The following ARHGAP15 variants were observed in gnomAD, a reference collection of about 807,000 sequenced individuals.
The protein encoded by ARHGAP15 is Rho GTPase activating protein 15.
ARHGAP15 carries 51 observed loss-of-function variants against 63.7 expected under a neutral mutation model. The observed-to-expected ratio is 0.80, with a 90% CI of 0.64 to 1.01. The LOEUF (loss-of-function observed/expected upper bound fraction) is 1.01. Ranked by LOEUF, ARHGAP15 falls within the 50% of genes least tolerant of loss-of-function variation. The pLI is 0.00. For missense variants in ARHGAP15, 560 were observed against 564.6 expected, an observed-to-expected ratio of 0.99 and a Z score of 0.08; for synonymous variants, 191 against 193.8, an observed-to-expected ratio of 0.99 and a Z score of 0.12.
chr2:143,391,815 T>C (rs1295767939), intron 6 of ARHGAP15, among the ~76,000 whole-genome samples: 1 of 152,192 alleles, frequency 6.6e-6, no homozygotes, highest in Admixed American at 6.5e-5. Context: ...TCCTTTTTCT[T>C]TTTAAGGGAA....
chr2:143,393,714 C>A (rs935365066), intron 6 of ARHGAP15, among the ~76,000 whole-genome samples: 1 of 109,752 alleles, frequency 9.1e-6, no homozygotes, highest in African/African-American at 3.7e-5. Flanking sequence ...GGTGACAGAG[C>A]GAGACTCTGT....
intron 10 of ARHGAP15, among the ~76,000 whole-genome samples, chr2:143,553,976 T>A (rs1474483087): frequency 6.6e-6 from 1 of 152,134 alleles, no homozygotes; most frequent in Admixed American, 6.5e-5. Context: ...AAGGCCCTTA[T>A]TTGCAATTAA....
rs1303124789 is a variant in ARHGAP15, at chr2:143,475,036, C to T, written c.704-12337C>T. Among the ~76,000 whole-genome samples, 3 of 152,244 alleles carry T rather than the reference C, an allele frequency of 2.0e-5. No individual in the cohort carries two copies. The East Asian group carries it at 5.8e-4, about 29-fold the overall frequency. ...GGTGACCACCATCACCATACAGCAC[C>T]CAGAGGGATTTCAAAATGGACAACA... On this transcript the variant is annotated intron_variant, in intron 8 of 13. Coordinates refer to ENST00000295095, the MANE Select transcript of ARHGAP15 (RefSeq NM_018460.4).
chr2:143,642,356 A>G (rs981906912), intron 12 of ARHGAP15, among the ~76,000 whole-genome samples: 9 of 152,054 alleles, frequency 5.9e-5, no homozygotes, highest in Non-Finnish European at 1.2e-4. Flanking sequence ...TTTTGATCCA[A>G]CTCACCTTTG....
intron 11 of ARHGAP15, among the ~76,000 whole-genome samples, chr2:143,563,004 C>A (rs1176698650): frequency 2.6e-5 from 4 of 152,132 alleles, no homozygotes; most frequent in African/African-American, 7.2e-5. Flanking sequence ...ATGTACCAAC[C>A]AATAATGAAC....
intron 12 of ARHGAP15, among the ~76,000 whole-genome samples, chr2:143,642,303 G>A (rs545563815): frequency 1.4e-4 from 21 of 151,888 alleles, no homozygotes; most frequent in East Asian, 1.2e-3. Flanking sequence ...AATGTTGGGG[G>A]GGATTTCAGA....
At chr2:143,528,722 T>C (rs964528960) in intron 10 of ARHGAP15, among the ~76,000 whole-genome samples, 2 of 152,156 alleles carry the variant, frequency 1.3e-5, no homozygotes, top group Non-Finnish European at 2.9e-5. Context: ...TTCTGACAGT[T>C]TGGGATGACT....
At chr2:143,736,038 G>C (rs1391544874) in intron 13 of ARHGAP15, among the ~76,000 whole-genome samples, 1 of 152,136 alleles carries the variant, frequency 6.6e-6, no homozygotes, top group African/African-American at 2.4e-5. Context: ...TGATGAGACA[G>C]GCACTAAACT....
chr2:143,451,656 GA>G (rs1317338817), intron 8 of ARHGAP15, among the ~76,000 whole-genome samples: 4 of 151,416 alleles, frequency 2.6e-5, no homozygotes, highest in African/African-American at 4.8e-5. Context: ...GGTCAGCTCA[GA>G]AAAAAAATAC....
At chr2:143,164,993 A>G (rs1163849174) in intron 2 of ARHGAP15, among the ~76,000 whole-genome samples, 1 of 152,082 alleles carries the variant, frequency 6.6e-6, no homozygotes, top group Non-Finnish European at 1.5e-5. Context: ...TAGATGTCAG[A>G]AACCCTGAAA....
chr2:143,563,127 A>G (rs1559052579), intron 11 of ARHGAP15, among the ~76,000 whole-genome samples: 1 of 152,228 alleles, frequency 6.6e-6, no homozygotes. Flanking sequence ...TGGAAGCCTA[A>G]TAGAAATTAT....
intron 6 of ARHGAP15, among the ~76,000 whole-genome samples, chr2:143,282,105 A>G (rs1681878410): frequency 6.6e-6 from 1 of 152,106 alleles, no homozygotes; most frequent in South Asian, 2.1e-4. Context: ...TTGTAAATAA[A>G]TTTGTAAATA....
At chr2:143,491,668 G>A (rs940254784) in intron 9 of ARHGAP15, among the ~76,000 whole-genome samples, 2 of 152,086 alleles carry the variant, frequency 1.3e-5, no homozygotes, top group African/African-American at 4.8e-5. Flanking sequence ...GTACCACTTT[G>A]AACAGTTTCT....
intron 8 of ARHGAP15, among the ~76,000 whole-genome samples, chr2:143,459,360 T>A (rs1380086856): frequency 1.3e-5 from 2 of 152,072 alleles, no homozygotes; most frequent in Non-Finnish European, 2.9e-5. Context: ...GATGCTTTAT[T>A]TGCCTTGTTT....
At chr2:143,225,069 G>A (rs185237094) in intron 4 of ARHGAP15, among the ~76,000 whole-genome samples, 5 of 152,292 alleles carry the variant, frequency 3.3e-5, no homozygotes, top group Admixed American at 6.5e-5. Flanking sequence ...ACCGGTGTGC[G>A]TCCAGGGCCC....
chr2:143,142,438 T>C (rs933737056), intron 1 of ARHGAP15, among the ~76,000 whole-genome samples: 2 of 152,090 alleles, frequency 1.3e-5, no homozygotes, highest in African/African-American at 4.8e-5. Flanking sequence ...CTGGGCTCAT[T>C]TTCCTAAATT....
intron 6 of ARHGAP15, among the ~76,000 whole-genome samples, chr2:143,402,958 C>A (rs1688048750): frequency 6.6e-6 from 1 of 151,786 alleles, no homozygotes; most frequent in Non-Finnish European, 1.5e-5. Context: ...CTTAAGTCAT[C>A]TGGTTTTGTT....
intron 2 of ARHGAP15, among the ~76,000 whole-genome samples, chr2:143,201,774 T>C (rs1168597390): frequency 6.6e-6 from 1 of 152,162 alleles, no homozygotes; most frequent in Admixed American, 6.5e-5. Flanking sequence ...GGAGAATGTA[T>C]GACATTTTTG....
intron 12 of ARHGAP15, among the ~76,000 whole-genome samples, chr2:143,659,033 A>G (rs561550543): frequency 7.2e-5 from 11 of 152,304 alleles, no homozygotes; most frequent in East Asian, 1.9e-4. Flanking sequence ...CTGACTACCT[A>G]TCAAGCACAT....
Sources: allele counts gnomAD v4.1 joint callset (sites outside exome capture counted in the v4.1 genomes callset), GRCh38; gene constraint gnomAD v4.1.1; transcripts MANE v1.5; gene names NCBI Gene and HGNC (gene_info 2026-07-23, HGNC 2026-07-21).